Variants in NAP1L4 observed in about 807,000 individuals in gnomAD.
NAP1L4 encodes nucleosome assembly protein 1 like 4.
Under a neutral mutation model 58.2 loss-of-function variants are expected in NAP1L4, and 15 were observed. That is an observed-to-expected ratio of 0.26 (90% CI 0.17 to 0.40). The LOEUF is 0.40. NAP1L4 is among the 10% of genes least tolerant of loss of function. The probability of loss-of-function intolerance (pLI) is 1.00; values close to 1 mark genes in which losing one functional copy is unlikely to be tolerated. For synonymous variants in NAP1L4, 171 were observed against 155.6 expected (o/e 1.10, Z -0.74); for missense variants, 384 against 451.1 (o/e 0.85, Z 1.35).
At chr11:2,969,314 A>G (rs563875914) in intron 7 of NAP1L4, among the ~76,000 whole-genome samples, 83 of 152,152 alleles carry the variant, frequency 5.5e-4, no homozygotes, top group Non-Finnish European at 5.7e-4. Flanking sequence ...TTCAAGAGAA[A>G]TGATCAGAAA....
intron 15 of NAP1L4, among the ~76,000 whole-genome samples, chr11:2,947,493 C>T (rs1376377252): frequency 6.6e-6 from 1 of 152,190 alleles, no homozygotes; most frequent in Non-Finnish European, 1.5e-5. Context: ...CAGCATGTGG[C>T]CCACCCCTGC....
intron 3 of NAP1L4, among the ~76,000 whole-genome samples, chr11:2,977,866 TAAAA>T (rs34636304): frequency 7.2e-6 from 1 of 138,376 alleles, no homozygotes; most frequent in African/African-American, 2.7e-5. Context: ...GGTATAGACT[TAAAA>T]AAAAAAAAAA....
At chr11:2,963,098 CAAAAA>C (rs55650724) in intron 8 of NAP1L4, among the ~76,000 whole-genome samples, 1 of 97,090 alleles carries the variant, frequency 1.0e-5, no homozygotes, top group Non-Finnish European at 2.0e-5. Context: ...GACTCGGTCT[CAAAAA>C]AAAAAAAAAA....
intron 4 of NAP1L4, 93 bp from the exon 5 acceptor site, chr11:2,972,336 G>GA: frequency 8.7e-7 from 1 of 1,150,900 alleles, no homozygotes; most frequent in Non-Finnish European, 1.2e-6. Flanking sequence ...AGGTTAACAT[G>GA]GAATCAACAT....
At chr11:2,973,831 C>T (rs1449953382) in intron 4 of NAP1L4, among the ~76,000 whole-genome samples, 6 of 152,192 alleles carry the variant, frequency 3.9e-5, no homozygotes, top group Admixed American at 6.5e-5. Context: ...TGCACTGGTG[C>T]GATCTCGGCT....
In NAP1L4 at chr11:2,954,556, T is replaced by C; in HGVS notation, c.1006A>G (p.Thr336Ala). The C allele has an allele frequency of 1.2e-6, 2 of 1,614,178 alleles. No individual in the cohort carries two copies. Among genetic ancestry groups the C allele is most frequent in the African/African-American group, 1.3e-5 (1 of 75,034 alleles). ...TCATCATCTTCTATGGCCTCCCCAG[T>C]GAAGTACAGCACAGCCCGCGGGACT... The part of the protein sequence containing the change: ...RIVPRAVLYF[T>A]GEAIEDDDNF... Residue 336 changes from threonine to alanine, a missense_variant, in exon 12 of 16, where the codon ACT (threonine) becomes GCT (alanine). Around this residue, in one of 3 missense-constraint regions of NAP1L4, gnomAD observed 296 missense variants for 360.8 expected, o/e 0.82. Coordinates refer to ENST00000380542, the MANE Select transcript of NAP1L4 (RefSeq NM_005969.4). The surrounding 1 kb of genome is among the most constrained non-coding windows in gnomAD (Gnocchi z 4.8).
chr11:2,964,527 T>A (rs1847142256), intron 8 of NAP1L4, among the ~76,000 whole-genome samples, 153 bp downstream of exon 8: 2 of 152,246 alleles, frequency 1.3e-5, no homozygotes, highest in South Asian at 4.1e-4. Context: ...CGGTACTCAG[T>A]CTAACTCTTG....
In NAP1L4 at chr11:2,945,143, A is replaced by C. The variant is rs1458733818; in HGVS notation, c.*536T>G. On this transcript the variant is annotated 3_prime_UTR_variant, in exon 16 of 16. Coordinates refer to ENST00000380542, the MANE Select transcript of NAP1L4 (RefSeq NM_005969.4). ...ATGATCGGCATACAGCAGGTGATGC[A>C]GGCTGCACACTCAGCAGATTCAGCG... 1 of 156,594 alleles carries C rather than the reference A, an allele frequency of 6.4e-6. No homozygotes were observed. Among genetic ancestry groups the C allele is most frequent in the Non-Finnish European group, 1.4e-5 (1 of 71,118 alleles). 9.7% of individuals were successfully genotyped at this position (156,594 alleles called of 1,614,324 possible).
intron 1 of NAP1L4, chr11:2,983,809 C>T (rs527945695): frequency 4.0e-5 from 6 of 151,840 alleles, no homozygotes; most frequent in African/African-American, 7.2e-5. Flanking sequence ...GGGGAAACCT[C>T]GTCTCTACAA....
intron 1 of NAP1L4, among the ~76,000 whole-genome samples, chr11:2,981,178 C>T (rs1260198750): frequency 6.6e-6 from 1 of 150,394 alleles, no homozygotes; most frequent in African/African-American, 2.5e-5. Context: ...GCAGAGGTTG[C>T]AGTAAGCTGA....
chr11:2,951,956 G>A lies in NAP1L4; in HGVS notation c.1036-147C>T. On this transcript the variant is annotated intron_variant, in intron 12 of 15. Coordinates refer to ENST00000380542, the MANE Select transcript of NAP1L4 (RefSeq NM_005969.4). This position sits in a 1 kb window ranked among gnomAD's most constrained non-coding sequence, Gnocchi z 4.0. ...TGCCTGCTGGGCCTCGCTTGCCTGAGGAGCCATTTGCTTGTGTGCAGCGCA... is the reference window on the plus strand; with the variant it reads ...TGCCTGCTGGGCCTCGCTTGCCTGAAGAGCCATTTGCTTGTGTGCAGCGCA... The A allele has an allele frequency of 2.7e-6, 2 of 737,462 alleles. No homozygotes were observed. Among genetic ancestry groups the A allele is most frequent in the Non-Finnish European group, 2.4e-6 (1 of 414,858 alleles). 45.7% of individuals were successfully genotyped at this position (737,462 alleles called of 1,614,324 possible).
Position 2,971,527 on chromosome 11 carries a change from T to G in NAP1L4, c.323A>C (p.Glu108Ala), listed in dbSNP as rs781287440. Residue 108 changes from glutamate to alanine, a missense_variant, in exon 6 of 16, where the codon GAA (glutamate) becomes GCA (alanine). Glu to Ala is a moderately radical substitution (Grantham distance 107). Transcript: ENST00000380542. The surrounding 1 kb of genome is among the most constrained non-coding windows in gnomAD (Gnocchi z 4.2). ...TGGTTCAACATCGCCGGTGATAAATTCTCTTCTCTACATAAAAATGAGACC... is the reference window on the plus strand; with the variant it reads ...TGGTTCAACATCGCCGGTGATAAATGCTCTTCTCTACATAAAAATGAGACC... ...LYQPLFDKRR[E>A]FITGDVEPTD... 4 of 1,613,334 alleles carry G rather than the reference T, an allele frequency of 2.5e-6. No individual in the cohort carries two copies. In the Admixed American group the frequency reaches 6.7e-5, roughly 27 times the overall value.
At chr11:2,960,051 G>C in intron 8 of NAP1L4, 142 bp from the exon 9 acceptor site, 1 of 815,758 alleles carries the variant, frequency 1.2e-6, no homozygotes, top group South Asian at 1.9e-5. Context: ...CTTCTCCACC[G>C]CAAAAAAGAC....
At position 2,976,116 on chromosome 11, in the gene NAP1L4, G is replaced by T; in HGVS notation, c.81C>A (p.Leu27=). The T allele has an allele frequency of 1.2e-6, 2 of 1,612,684 alleles. No individual in the cohort carries two copies. The highest frequency in any genetic ancestry group is 1.7e-6 in the Non-Finnish European group (2 of 1,179,586). Residue 27 remains leucine (L), a synonymous_variant, in exon 4 of 16, where the codon CTC becomes CTA. Transcript: ENST00000380542. The stretch of plus-strand genomic sequence containing the variant: ...GAGGATTCTGCATCACCTGATCTGT[G>T]AGCTTTTCTATGAAGAGTTAAGACC... ...AAKNASNTEK[L]TDQVMQNPRV...
rs1240319378 is a variant in NAP1L4 at position 2,951,763 on chromosome 11, A to C, written c.1065+17T>G. 1 of 1,613,666 alleles carries C rather than the reference A, an allele frequency of 6.2e-7. No individual in the cohort carries two copies. Among genetic ancestry groups the C allele is most frequent in the Non-Finnish European group, 8.5e-7 (1 of 1,179,628 alleles). ...ACTTCAGGGAGGTAAGTGGCACTGC[A>C]TAAACCTGTCTCTTACCTCCTCTTC... is the stretch of plus-strand genomic sequence containing the variant. On this transcript the variant is annotated intron_variant, in intron 13 of 15. Transcript: ENST00000380542. This position sits in a 1 kb window ranked among gnomAD's most constrained non-coding sequence, Gnocchi z 4.0.
intron 1 of NAP1L4, among the ~76,000 whole-genome samples, chr11:2,986,648 T>TG (rs1848647723): frequency 7.1e-6 from 1 of 141,530 alleles, no homozygotes; most frequent in Non-Finnish European, 1.5e-5. Context: ...TTTTTTGAGA[T>TG]AGAGTTTCGC....
In NAP1L4 at chr11:2,959,339, C is replaced by T. The variant is rs1311173503; in HGVS notation, c.746+431G>A. ...TTTATAAAGACTGAAATCAGTGAGTCAAACAACAGCTATGCTGCCCCCACC... is the reference window on the plus strand; with the variant it reads ...TTTATAAAGACTGAAATCAGTGAGTTAAACAACAGCTATGCTGCCCCCACC... On this transcript the variant is annotated intron_variant, in intron 9 of 15. Transcript: ENST00000380542. This position sits in a 1 kb window ranked among gnomAD's most constrained non-coding sequence, Gnocchi z 4.9. Among the ~76,000 whole-genome samples, 1 of 152,190 alleles carries T rather than the reference C, an allele frequency of 6.6e-6. No homozygotes were observed. The highest frequency in any genetic ancestry group is 6.5e-5 in the Admixed American group (1 of 15,284).
At position 2,958,541 on chromosome 11, in the gene NAP1L4, A is replaced by G. The variant is rs934792726; in HGVS notation, c.750T>C (p.Cys250=). The G allele has an allele frequency of 3.1e-6, 5 of 1,613,400 alleles. No individual in the cohort carries two copies. In the East Asian group the frequency reaches 1.1e-4, roughly 36 times the overall value. Residue 250 remains cysteine (C), a synonymous_variant, in exon 10 of 16, where the codon TGT becomes TGC. Coordinates refer to ENST00000380542, the MANE Select transcript of NAP1L4 (RefSeq NM_005969.4). The part of the protein sequence containing the change: ...EGPEIVDCDG[C]TIDWKKGKNV... ...TCTTTCCTTTCTTCCAGTCAATAGTACACCTACCAGGACAAGACAGCTGTC... is the reference window on the plus strand; with the variant it reads ...TCTTTCCTTTCTTCCAGTCAATAGTGCACCTACCAGGACAAGACAGCTGTC...
chr11:2,947,094 C>T (rs1845978078), intron 15 of NAP1L4, among the ~76,000 whole-genome samples: 1 of 152,174 alleles, frequency 6.6e-6, no homozygotes, highest in Non-Finnish European at 1.5e-5. Context: ...ATGTCATACA[C>T]AGGACTTTAT....
Sources: gnomAD v4.1 joint callset for allele counts (sites outside exome capture counted in the v4.1 genomes callset) on GRCh38, gnomAD v4.1.1 for gene constraint, gnomAD v4.1.1 regional missense constraint, Gnocchi (gnomAD v3.1) non-coding constraint, MANE v1.5 for transcripts, NCBI Gene and HGNC (gene_info 2026-07-23, HGNC 2026-07-21) for gene names.